Variants in NKAIN3 observed in about 807,000 individuals in gnomAD.
NKAIN3 encodes the protein sodium/potassium transporting ATPase interacting 3.
In NKAIN3, 25 loss-of-function variants were observed where a neutral mutation model predicts 30.2. The observed-to-expected ratio is 0.83, with a 90% CI of 0.60 to 1.16. NKAIN3 has a LOEUF of 1.16. Among genes scored for constraint, NKAIN3 ranks in the 50% most tolerant of loss-of-function variants. The probability of loss-of-function intolerance (pLI) is 0.00; values close to 1 mark genes in which losing one functional copy is unlikely to be tolerated. For missense variants in NKAIN3, 225 were observed against 254.1 expected (o/e 0.89, Z 0.78); for synonymous variants, 91 against 89.6 (o/e 1.02, Z -0.09).
chr8:62,718,027 C>T (rs1392561507), intron 3 of NKAIN3, among the ~76,000 whole-genome samples: 2 of 152,146 alleles, frequency 1.3e-5, no homozygotes, highest in Non-Finnish European at 2.9e-5. Context: ...GGGTGAAAGG[C>T]ACTTCTTACA....
At chr8:62,293,287 C>T (rs181758585) in intron 1 of NKAIN3, among the ~76,000 whole-genome samples, 31 of 152,356 alleles carry the variant, frequency 2.0e-4, no homozygotes, top group African/African-American at 7.2e-4. Context: ...CGAGGAGCTG[C>T]GTTCCTTTGG....
At chr8:62,849,275 T>C (rs1156928819) in intron 4 of NKAIN3, among the ~76,000 whole-genome samples, 2 of 149,404 alleles carry the variant, frequency 1.3e-5, no homozygotes, top group Non-Finnish European at 3.0e-5. Context: ...AATTCAGATG[T>C]GAATTCATCT....
At chr8:62,438,824 G>GTCGC (rs1805242341) in intron 1 of NKAIN3, among the ~76,000 whole-genome samples, 1 of 152,114 alleles carries the variant, frequency 6.6e-6, no homozygotes, top group East Asian at 1.9e-4. Flanking sequence ...TGGCCTCCCA[G>GTCGC]AGTGTTGGGA....
intron 1 of NKAIN3, among the ~76,000 whole-genome samples, chr8:62,337,030 GC>G (rs1307546755): frequency 6.6e-6 from 1 of 152,166 alleles, no homozygotes; most frequent in Admixed American, 6.5e-5. Context: ...AGTGGGCTCA[GC>G]CCATCTTCTC....
At chr8:62,781,063 T>A (rs1335773085) in intron 4 of NKAIN3, among the ~76,000 whole-genome samples, 1 of 151,954 alleles carries the variant, frequency 6.6e-6, no homozygotes, top group Non-Finnish European at 1.5e-5. Flanking sequence ...CTCTTAGAAC[T>A]TACAAACAAA....
intron 3 of NKAIN3, among the ~76,000 whole-genome samples, chr8:62,745,631 C>T (rs971193944): frequency 6.6e-6 from 1 of 152,162 alleles, no homozygotes; most frequent in South Asian, 2.1e-4. Context: ...CATTAACACC[C>T]CAGAAATACT....
intron 1 of NKAIN3, among the ~76,000 whole-genome samples, chr8:62,578,531 T>G (rs1455349232): frequency 6.6e-6 from 1 of 152,096 alleles, no homozygotes; most frequent in Admixed American, 6.6e-5. Context: ...ATGAGTAAGC[T>G]TCGTTTTGAA....
At chr8:62,589,629 A>T (rs1810588270) in intron 2 of NKAIN3, 85 bp from the exon 3 acceptor site, 5 of 599,570 alleles carry the variant, frequency 8.3e-6, no homozygotes, top group Non-Finnish European at 1.5e-5. Flanking sequence ...AGACTTATTG[A>T]CATTTTTATT....
chr8:62,307,139 A>G lies in NKAIN3; in HGVS notation c.54+58012A>G, dbSNP rs370902214. ...TCCTGCACCCCATGAGTCCTTGGGT[A>G]GCTAAGCAGCTGGTATCTCCTGGTG... On this transcript the variant is annotated intron_variant, in intron 1 of 6. Coordinates refer to ENST00000623646, the MANE Select transcript of NKAIN3 (RefSeq NM_001304533.3). Among the ~76,000 whole-genome samples the G allele has an allele frequency of 8.0e-5, 12 of 149,842 alleles. 2 individuals carry two copies. Among genetic ancestry groups the G allele is most frequent in the African/African-American group, 2.3e-4 (9 of 39,388 alleles).
intron 1 of NKAIN3, among the ~76,000 whole-genome samples, chr8:62,356,272 C>A (rs1816353160): frequency 1.3e-5 from 2 of 152,088 alleles, no homozygotes; most frequent in South Asian, 4.2e-4. Flanking sequence ...TATTAGCTTA[C>A]CTTAACTAAG....
intron 4 of NKAIN3, among the ~76,000 whole-genome samples, chr8:62,809,863 T>C (rs1818433268): frequency 6.6e-6 from 1 of 152,228 alleles, no homozygotes; most frequent in Admixed American, 6.5e-5. Context: ...GGTCTTCTAA[T>C]TCTGAATCCA....
At chr8:62,909,020 T>G (rs962613397) in intron 4 of NKAIN3, among the ~76,000 whole-genome samples, 3 of 152,174 alleles carry the variant, frequency 2.0e-5, no homozygotes, top group African/African-American at 7.2e-5. Context: ...GGACCTTTTT[T>G]AATCCCTCTA....
intron 4 of NKAIN3, among the ~76,000 whole-genome samples, chr8:62,774,491 A>G (rs1008065161): frequency 6.6e-6 from 1 of 152,186 alleles, no homozygotes; most frequent in Non-Finnish European, 1.5e-5. Context: ...TCCAGATTTT[A>G]GAGGAAAAGC....
At chr8:62,569,138 G>A (rs1258222086) in intron 1 of NKAIN3, among the ~76,000 whole-genome samples, 2 of 152,132 alleles carry the variant, frequency 1.3e-5, no homozygotes, top group African/African-American at 2.4e-5. Flanking sequence ...TTCATCCTAA[G>A]GCTTATTCAC....
intron 3 of NKAIN3, among the ~76,000 whole-genome samples, chr8:62,625,242 A>G (rs895918844): frequency 6.6e-6 from 1 of 152,154 alleles, no homozygotes; most frequent in African/African-American, 2.4e-5. Context: ...GAGCAGGGAA[A>G]GATAATCATA....
At chr8:62,396,553 G>T (rs1483333203) in intron 1 of NKAIN3, among the ~76,000 whole-genome samples, 1 of 152,168 alleles carries the variant, frequency 6.6e-6, no homozygotes, top group East Asian at 1.9e-4. Context: ...GTTTATCATA[G>T]TATTTTTATT....
intron 1 of NKAIN3, among the ~76,000 whole-genome samples, chr8:62,557,271 T>A (rs1809428702): frequency 6.6e-6 from 1 of 152,134 alleles, no homozygotes. Context: ...TTGCATCATG[T>A]ATATATACCA....
intron 4 of NKAIN3, among the ~76,000 whole-genome samples, chr8:62,824,298 G>A (rs2130735436): frequency 6.6e-6 from 1 of 152,186 alleles, no homozygotes; most frequent in East Asian, 1.9e-4. Context: ...TGGGGAATTT[G>A]AGTGGCATGC....
rs146512315 is a variant in NKAIN3 at position 62,691,886 on chromosome 8, G to A, written c.274-55046G>A. On this transcript the variant is annotated intron_variant, in intron 3 of 6. Coordinates refer to ENST00000623646, the MANE Select transcript of NKAIN3 (RefSeq NM_001304533.3). ...TAGCCATTATTATTGCTCATGAATC[G>A]AAGAGCAAGCTAATAGGTCTTCTGG... 5.2e-3 allele frequency among the ~76,000 whole-genome samples: 789 copies of A among 152,224 alleles called. 3 individuals are homozygous for A. Among genetic ancestry groups the A allele is most frequent in the African/African-American group, 0.017 (725 of 41,540 alleles).
Sources: gnomAD v4.1 joint callset for allele counts (sites outside exome capture counted in the v4.1 genomes callset) on GRCh38, gnomAD v4.1.1 for gene constraint, MANE v1.5 for transcripts, NCBI Gene and HGNC (gene_info 2026-07-23, HGNC 2026-07-21) for gene names.